NALF1: variants seen among roughly 807,000 people sequenced by gnomAD.
NALF1 encodes the protein family with sequence similarity 155 member A.
Under a neutral mutation model 48.4 loss-of-function variants are expected in NALF1, and 3 were observed. That is an observed-to-expected ratio of 0.06 (90% CI 0.03 to 0.16). NALF1 has a LOEUF of 0.16. NALF1 is among the 10% of genes least tolerant of loss of function. The pLI is 1.00. For missense variants in NALF1, 526 were observed against 571.5 expected (o/e 0.92, Z 0.81); for synonymous variants, 262 against 245.7 (o/e 1.07, Z -0.62).
At chr13:107,840,006 T>G (rs1435077891) in intron 1 of NALF1, among the ~76,000 whole-genome samples, 1 of 152,200 alleles carries the variant, frequency 6.6e-6, no homozygotes, top group Non-Finnish European at 1.5e-5. Flanking sequence ...GATCTACAAG[T>G]TGATCCTATA....
At chr13:107,175,021 C>T (rs1355116619) in intron 2 of NALF1, among the ~76,000 whole-genome samples, 2 of 137,440 alleles carry the variant, frequency 1.5e-5, no homozygotes, top group African/African-American at 5.6e-5. Flanking sequence ...GTAGCTGGGA[C>T]TACAGGCGCC....
At chr13:107,631,037 C>T (rs566183334) in intron 1 of NALF1, among the ~76,000 whole-genome samples, 1 of 152,208 alleles carries the variant, frequency 6.6e-6, no homozygotes, top group South Asian at 2.1e-4. Flanking sequence ...GACAGGGTTT[C>T]CCTCTTTTGC....
chr13:107,772,366 A>C (rs1877605354), intron 1 of NALF1, among the ~76,000 whole-genome samples: 1 of 152,210 alleles, frequency 6.6e-6, no homozygotes, highest in African/African-American at 2.4e-5. Context: ...AATTTTTTAA[A>C]ATATTGAGGT....
At chr13:107,469,733 CTTTTTTTTTT>C (rs61241553) in intron 1 of NALF1, among the ~76,000 whole-genome samples, 12 of 79,964 alleles carry the variant, frequency 1.5e-4, no homozygotes, top group African/African-American at 5.3e-4. Context: ...AACTGTGTAT[CTTTTTTTTTT>C]TTTTTTTTTT....
chr13:107,668,095 A>C (rs938770359), intron 1 of NALF1, among the ~76,000 whole-genome samples: 2 of 152,184 alleles, frequency 1.3e-5, no homozygotes, highest in Non-Finnish European at 2.9e-5. Flanking sequence ...TAGTTCAAGT[A>C]GTTTCCAGTC....
intron 1 of NALF1, among the ~76,000 whole-genome samples, chr13:107,701,470 C>T (rs1026524269): frequency 6.6e-6 from 1 of 151,780 alleles, no homozygotes; most frequent in Non-Finnish European, 1.5e-5. Context: ...TTTAAATATA[C>T]AGAAATAGAG....
At chr13:107,414,606 T>A (rs9301222) in intron 1 of NALF1, among the ~76,000 whole-genome samples, 2 of 151,566 alleles carry the variant, frequency 1.3e-5, no homozygotes, top group Non-Finnish European at 2.9e-5. Context: ...TTAAATTACC[T>A]TGAGTTTTCT....
chr13:107,543,945 A>G (rs1877066496), intron 1 of NALF1, among the ~76,000 whole-genome samples: 3 of 152,154 alleles, frequency 2.0e-5, no homozygotes, highest in Admixed American at 1.3e-4. Flanking sequence ...TCTATGGTTG[A>G]TAAAATATTT....
intron 1 of NALF1, among the ~76,000 whole-genome samples, chr13:107,461,121 C>A (rs920218167): frequency 1.3e-5 from 2 of 151,838 alleles, no homozygotes; most frequent in African/African-American, 4.8e-5. Flanking sequence ...AAAACAAAAT[C>A]CTGAAGGATA....
intron 1 of NALF1, among the ~76,000 whole-genome samples, chr13:107,512,933 C>T (rs1419354577): frequency 6.6e-6 from 1 of 152,062 alleles, no homozygotes; most frequent in Non-Finnish European, 1.5e-5. Flanking sequence ...ACCTCAATAC[C>T]CCAAAAGACT....
At chr13:107,350,862 A>T (rs1882860376) in intron 1 of NALF1, among the ~76,000 whole-genome samples, 1 of 152,188 alleles carries the variant, frequency 6.6e-6, no homozygotes, top group African/African-American at 2.4e-5. Flanking sequence ...CTGCATTTCT[A>T]AGAAGATCAC....
At chr13:107,615,385 G>A (rs761918639) in intron 1 of NALF1, among the ~76,000 whole-genome samples, 9 of 151,960 alleles carry the variant, frequency 5.9e-5, no homozygotes, top group Non-Finnish European at 1.0e-4. Flanking sequence ...CCTGCCTTTC[G>A]CATAATTATT....
chr13:107,208,531 G>A (rs139868805), intron 2 of NALF1, among the ~76,000 whole-genome samples: 56 of 152,252 alleles, frequency 3.7e-4, no homozygotes, highest in African/African-American at 1.2e-3. Flanking sequence ...GAAGATAAAC[G>A]CAAACACCTC....
intron 1 of NALF1, among the ~76,000 whole-genome samples, chr13:107,720,726 C>G (rs1283100058): frequency 6.6e-6 from 1 of 152,184 alleles, no homozygotes; most frequent in Non-Finnish European, 1.5e-5. Flanking sequence ...CATTACCCAA[C>G]TGCCTGCACT....
intron 1 of NALF1, among the ~76,000 whole-genome samples, chr13:107,422,764 T>A (rs376118707): frequency 2.0e-5 from 3 of 152,248 alleles, no homozygotes; most frequent in East Asian, 3.9e-4. Context: ...TCCTATATTA[T>A]CTTGGTGGGC....
intron 1 of NALF1, among the ~76,000 whole-genome samples, chr13:107,215,352 G>A (rs548517390): frequency 1.4e-4 from 22 of 152,044 alleles, no homozygotes; most frequent in East Asian, 7.7e-4. Context: ...CCAGACCTAC[G>A]TCCACATCTA....
intron 1 of NALF1, among the ~76,000 whole-genome samples, chr13:107,455,855 C>T (rs980312256): frequency 6.8e-6 from 1 of 147,134 alleles, no homozygotes; most frequent in African/African-American, 2.7e-5. Context: ...TTTCTTAGCT[C>T]GATAACTCTT....
chr13:107,813,801 AAT>A (rs1202677593), intron 1 of NALF1, among the ~76,000 whole-genome samples: 2 of 152,174 alleles, frequency 1.3e-5, no homozygotes, highest in Non-Finnish European at 2.9e-5. Flanking sequence ...ATAGACACTG[AAT>A]GGACACTGGA....
chr13:107,851,028 G>C (rs775126598), intron 1 of NALF1, among the ~76,000 whole-genome samples: 3 of 152,160 alleles, frequency 2.0e-5, no homozygotes, highest in Non-Finnish European at 4.4e-5. Context: ...GCACATCCTA[G>C]GGAAGTTATC....
Sources: gnomAD v4.1 joint callset for allele counts (sites outside exome capture counted in the v4.1 genomes callset) on GRCh38, gnomAD v4.1.1 for gene constraint, MANE v1.5 for transcripts, NCBI Gene and HGNC (gene_info 2026-07-23, HGNC 2026-07-21) for gene names.